The following ST14 variants were observed in gnomAD, a reference collection of about 807,000 sequenced individuals.
The protein encoded by ST14 is suppressor of tumorigenicity 14 protein.
Under a neutral mutation model 96.5 loss-of-function variants are expected in ST14, and 40 were observed. That is an observed-to-expected ratio of 0.41 (90% confidence interval 0.32 to 0.54). ST14 has a LOEUF of 0.54. Ranked by LOEUF, ST14 falls within the 20% of genes least tolerant of loss-of-function variation. The pLI, the probability that ST14 is intolerant of heterozygous loss-of-function variation, is 0.17. For missense variants in ST14, 1,066 were observed against 1,188.9 expected (o/e 0.90, Z 1.52); for synonymous variants, 506 against 492.1 (o/e 1.03, Z -0.37).
chr11:130,172,593 AT>A (rs1439445448), intron 1 of ST14, among the ~76,000 whole-genome samples: 3 of 150,076 alleles, frequency 2.0e-5, no homozygotes, highest in Non-Finnish European at 4.4e-5. Context: ...AATTTTTTGT[AT>A]TTTTAGTAGA....
At position 130,188,954 on chromosome 11, in the gene ST14, A is replaced by G. The variant is rs567836115; in HGVS notation, c.440+15A>G. The G allele has an allele frequency of 6.2e-7, 1 of 1,605,130 alleles. No individual in the cohort carries two copies. The highest frequency in any genetic ancestry group is 8.5e-7 in the Non-Finnish European group (1 of 1,176,370). On this transcript the variant is annotated intron_variant, in intron 4 of 18. Coordinates refer to ENST00000278742, the MANE Select transcript of ST14 (RefSeq NM_021978.4). This position sits in a 1 kb window ranked among gnomAD's most constrained non-coding sequence, Gnocchi z 5.4. Reference sequence around the variant, plus strand: ...ACGGCCTTCAGGTGGGTGTGGAGAGAAGGCTCAGTGGGATGCACCCCAGAC... The same window carrying G: ...ACGGCCTTCAGGTGGGTGTGGAGAGGAGGCTCAGTGGGATGCACCCCAGAC...
chr11:130,190,144 G>A lies in ST14; in HGVS notation c.630G>A (p.Gln210=). The A allele has an allele frequency of 6.2e-7, 1 of 1,614,214 alleles. No individual in the cohort carries two copies. Among genetic ancestry groups the A allele is most frequent in the Non-Finnish European group, 8.5e-7 (1 of 1,180,022 alleles). The change falls in exon 6 of 19, where the codon CAG becomes CAA. Residue 210 remains glutamine (Q), a synonymous_variant. Transcript: ENST00000278742. ...PTDSKTVQRT[Q]DNSCSFGLHA... is the part of the protein sequence containing the mutation. The stretch of plus-strand genomic sequence containing the variant: ...ACTCCAAAACAGTACAGAGGACCCA[G>A]GACAGTAAGTATCGTGCCCGCCTCC...
intron 16 of ST14, among the ~76,000 whole-genome samples, chr11:130,207,693 C>A (rs963308369): frequency 1.3e-5 from 2 of 152,282 alleles, no homozygotes; most frequent in East Asian, 3.8e-4. Flanking sequence ...AATTGCTAAA[C>A]CTATTCCATA....
At chr11:130,194,087 TG>T in intron 7 of ST14, 61 bp from the exon 8 acceptor site, 1 of 1,612,656 alleles carries the variant, frequency 6.2e-7, no homozygotes, top group South Asian at 1.1e-5. Flanking sequence ...GAGCCTGGTT[TG>T]GGTGTGTGAG....
At chr11:130,161,952 T>C (rs893705836) in intron 1 of ST14, among the ~76,000 whole-genome samples, 4 of 152,188 alleles carry the variant, frequency 2.6e-5, no homozygotes, top group Non-Finnish European at 5.9e-5. Flanking sequence ...TTTCCATGTC[T>C]TGCAGATTCC....
chr11:130,205,698 C>CTTTTT (rs1565629180), intron 16 of ST14, among the ~76,000 whole-genome samples: 1 of 120,826 alleles, frequency 8.3e-6, no homozygotes, highest in Non-Finnish European at 1.7e-5. Context: ...CTTCTTTAGA[C>CTTTTT]GTTTTTTTTT....
chr11:130,203,907 G>A (rs978577456), intron 16 of ST14, among the ~76,000 whole-genome samples: 1 of 152,146 alleles, frequency 6.6e-6, no homozygotes, highest in African/African-American at 2.4e-5. Context: ...GCCTGCCTTG[G>A]CCTCCCAAAG....
chr11:130,205,703 T>TTTTTTG (rs1565629192), intron 16 of ST14, among the ~76,000 whole-genome samples: 1 of 84,930 alleles, frequency 1.2e-5, no homozygotes, highest in Non-Finnish European at 2.8e-5. Context: ...TTAGACGTTT[T>TTTTTTG]TTTTTTTGTT....
chr11:130,164,155 C>G (rs541587606), intron 1 of ST14, among the ~76,000 whole-genome samples: 2 of 152,234 alleles, frequency 1.3e-5, no homozygotes, highest in South Asian at 4.2e-4. Flanking sequence ...TGACAGAGTC[C>G]CCTGGGAGCC....
intron 1 of ST14, among the ~76,000 whole-genome samples, chr11:130,176,791 T>C (rs1953142668): frequency 9.7e-6 from 1 of 102,992 alleles, no homozygotes; most frequent in South Asian, 3.0e-4. Flanking sequence ...GGCTTAACTT[T>C]TTTTTTTTTT....
At chr11:130,179,163 A>G (rs1953167575) in intron 1 of ST14, among the ~76,000 whole-genome samples, 1 of 152,308 alleles carries the variant, frequency 6.6e-6, no homozygotes, top group South Asian at 2.1e-4. Context: ...GACCTGGAGC[A>G]CTTGAATAAA....
At chr11:130,178,901 C>T (rs1686293776) in intron 1 of ST14, among the ~76,000 whole-genome samples, 1 of 152,180 alleles carries the variant, frequency 6.6e-6, no homozygotes, top group Non-Finnish European at 1.5e-5. Context: ...CCAGGAGGAG[C>T]TGGAGTGTGT....
Position 130,181,393 on chromosome 11 carries a change from G to A in ST14, c.82-6721G>A, listed in dbSNP as rs972459232. ...CTTTGGCCAGGATCTAACTACAGTGGGCCAGCAGGAAGAGGCTGTGATATT... is the reference window on the plus strand; with the variant it reads ...CTTTGGCCAGGATCTAACTACAGTGAGCCAGCAGGAAGAGGCTGTGATATT... On this transcript the variant is annotated intron_variant, in intron 1 of 18. Transcript: ENST00000278742. The surrounding 1 kb of genome is among the most constrained non-coding windows in gnomAD (Gnocchi z 4.1). Among the ~76,000 whole-genome samples the A allele has an allele frequency of 6.6e-6, 1 of 152,202 alleles. No homozygotes were observed. Among genetic ancestry groups the A allele is most frequent in the Admixed American group, 6.5e-5 (1 of 15,282 alleles).
At chr11:130,201,443 G>A (rs1439039620) in intron 16 of ST14, among the ~76,000 whole-genome samples, 1 of 152,260 alleles carries the variant, frequency 6.6e-6, no homozygotes, top group Non-Finnish European at 1.5e-5. Flanking sequence ...CCCACAGCAG[G>A]AGGGAGGCCT....
At chr11:130,190,930 C>A (rs1953291414) in intron 7 of ST14, among the ~76,000 whole-genome samples, 2 of 152,258 alleles carry the variant, frequency 1.3e-5, no homozygotes. Context: ...CCCCAGATAC[C>A]AAATCCAGCC....
chr11:130,160,971 T>G (rs1185105351), intron 1 of ST14, among the ~76,000 whole-genome samples: 1 of 152,148 alleles, frequency 6.6e-6, no homozygotes, highest in Non-Finnish European at 1.5e-5. Context: ...CCTCTGCAAA[T>G]GATGGCCTCC....
At chr11:130,196,838 T>A in intron 11 of ST14, 138 bp downstream of exon 11, 2 of 1,338,198 alleles carry the variant, frequency 1.5e-6, no homozygotes, top group Non-Finnish European at 2.1e-6. Context: ...TCCCGTAGCT[T>A]TGGGAGGAAA....
At chr11:130,190,045 A>G (rs80341957) in intron 5 of ST14, 68 bp from the exon 6 acceptor site, 17,357 of 1,612,368 alleles carry the variant, frequency 0.011, 113 homozygotes, top group Non-Finnish European at 0.013. Context: ...CCCTTTAGAT[A>G]ATAAGGAAGC....
In ST14 at chr11:130,163,201, C is replaced by G. The variant is rs536562774; in HGVS notation, c.81+3141C>G. Among the ~76,000 whole-genome samples the G allele has an allele frequency of 5.9e-5, 9 of 152,226 alleles. No homozygotes were observed. The South Asian group carries it at 1.5e-3, about 25-fold the overall frequency. ...GGCCCTGACCTCACAGAGGAGCCAT[C>G]CTGCCCTGCCAAACACAGGGAAGTG... On this transcript the variant is annotated intron_variant, in intron 1 of 18. Coordinates refer to ENST00000278742, the MANE Select transcript of ST14 (RefSeq NM_021978.4).
Sources: allele counts gnomAD v4.1 joint callset (sites outside exome capture counted in the v4.1 genomes callset), GRCh38; gene constraint gnomAD v4.1.1; non-coding constraint Gnocchi (gnomAD v3.1); transcripts MANE v1.5; gene names NCBI Gene and HGNC (gene_info 2026-07-23, HGNC 2026-07-21).